The following DNAH12 variants were observed in gnomAD, a reference collection of about 807,000 sequenced individuals.
The protein encoded by DNAH12 is dynein axonemal heavy chain 12, also known as axonemal beta dynein heavy chain 12.
Under a neutral mutation model 371.5 loss-of-function variants are expected in DNAH12, and 285 were observed. That is an observed-to-expected ratio of 0.77 (90% CI 0.70 to 0.85). DNAH12 has a LOEUF of 0.85. Among genes scored for constraint, DNAH12 ranks in the 40% least tolerant of loss-of-function variants. The pLI is 0.00. For synonymous variants in DNAH12, 1,200 were observed against 1,213.0 expected (o/e 0.99, Z 0.22); for missense variants, 3,611 against 3,689.4 (o/e 0.98, Z 0.55).
chr3:57,438,427 T>C (rs187097814), intron 29 of DNAH12, among the ~76,000 whole-genome samples: 98 of 152,230 alleles, frequency 6.4e-4, no homozygotes, highest in Middle Eastern at 3.4e-3. Flanking sequence ...TTGGACGTCC[T>C]AGCCAGAACA....
At chr3:57,542,950 G>A (rs2069358766) in intron 1 of DNAH12, 47 bp from the exon 2 acceptor site, 6 of 1,384,470 alleles carry the variant, frequency 4.3e-6, no homozygotes, top group Non-Finnish European at 5.7e-6. Context: ...AGCAAGCCTC[G>A]ACACATTCAT....
intron 57 of DNAH12, among the ~76,000 whole-genome samples, chr3:57,365,183 C>T (rs878928905): frequency 6.6e-6 from 1 of 152,070 alleles, no homozygotes; most frequent in Non-Finnish European, 1.5e-5. Context: ...GCACTATTCA[C>T]AATAGCAAAG....
At chr3:57,399,169 T>C (rs1003431745) in intron 43 of DNAH12, among the ~76,000 whole-genome samples, 13 of 151,308 alleles carry the variant, frequency 8.6e-5, no homozygotes. Flanking sequence ...AAACATAGAA[T>C]ATAAACAAAA....
chr3:57,489,844 T>G (rs1469568127), intron 11 of DNAH12, among the ~76,000 whole-genome samples, 157 bp from the exon 12 acceptor site: 1 of 152,180 alleles, frequency 6.6e-6, no homozygotes, highest in Non-Finnish European at 1.5e-5. Context: ...ACATATTTTT[T>G]TCACCTATTC....
intron 55 of DNAH12, among the ~76,000 whole-genome samples, 162 bp from the exon 56 acceptor site, chr3:57,368,422 GT>G (rs1187137314): frequency 2.9e-3 from 425 of 147,454 alleles, no homozygotes; most frequent in African/African-American, 9.2e-3. Context: ...ATGAAAAGGA[GT>G]TTTTTTTTTT....
intron 2 of DNAH12, among the ~76,000 whole-genome samples, chr3:57,527,452 A>G (rs895929669): frequency 2.6e-5 from 4 of 152,222 alleles, no homozygotes; most frequent in African/African-American, 7.2e-5. Flanking sequence ...GCATAGCAGC[A>G]TCTGCTGTTG....
At chr3:57,362,804 C>G (rs986238941) in intron 58 of DNAH12, among the ~76,000 whole-genome samples, 1 of 152,090 alleles carries the variant, frequency 6.6e-6, no homozygotes, top group Non-Finnish European at 1.5e-5. Context: ...AAAATTTTCT[C>G]CCATTCTGTA....
intron 40 of DNAH12, among the ~76,000 whole-genome samples, chr3:57,406,899 A>G (rs1168738696): frequency 2.6e-5 from 4 of 151,966 alleles, no homozygotes; most frequent in Non-Finnish European, 5.9e-5. Flanking sequence ...GAAAACAAAA[A>G]AACTTTTTTT....
intron 62 of DNAH12, among the ~76,000 whole-genome samples, chr3:57,332,645 C>A (rs900828750): frequency 6.6e-6 from 1 of 152,192 alleles, no homozygotes; most frequent in Non-Finnish European, 1.5e-5. Flanking sequence ...CTGGAAGTTG[C>A]AGAGTTCTAA....
At position 57,471,477 on chromosome 3, in the gene DNAH12, G is replaced by A. The variant is rs1479983025; in HGVS notation, c.1906C>T (p.Gln636Ter). ...FTEFAELERMQQYVTDVRQLQ... is the reference protein window; with the variant it reads ...FTEFAELERM ...GTCTCATATATTTATCAGACCTGTT[G>A]CATGCGCTCCAGCTCTGCAAATTCT... The change falls in exon 15 of 74, where the codon CAA (glutamine) becomes TAA (stop). Residue 636 changes from glutamine to a stop codon, truncating the protein, a stop_gained. Coordinates refer to ENST00000495027, the MANE Select transcript of DNAH12 (RefSeq NM_001366028.2). LOFTEE classifies it high-confidence loss of function. 6.5e-7 allele frequency: 1 copy of A among 1,544,280 alleles called. No homozygotes were observed. The highest frequency in any genetic ancestry group is 2.1e-5 in the Admixed American group (1 of 48,448).
intron 29 of DNAH12, among the ~76,000 whole-genome samples, chr3:57,443,803 T>C (rs763864960): frequency 1.1e-4 from 16 of 152,194 alleles, no homozygotes; most frequent in Non-Finnish European, 2.2e-4. Flanking sequence ...TTCTATCTAA[T>C]AAAATACACA....
At chr3:57,315,310 G>A (rs1161783285) in intron 65 of DNAH12, among the ~76,000 whole-genome samples, 6 of 151,450 alleles carry the variant, frequency 4.0e-5, no homozygotes, top group Non-Finnish European at 7.4e-5. Flanking sequence ...TTCATATAAT[G>A]CAGTAGTAGA....
chr3:57,511,917 T>G (rs2068013640), intron 4 of DNAH12, among the ~76,000 whole-genome samples: 2 of 151,856 alleles, frequency 1.3e-5, no homozygotes, highest in South Asian at 4.2e-4. Context: ...AAGAACAAAC[T>G]CCAGGATTTA....
chr3:57,509,038 T>C (rs1388952889), intron 6 of DNAH12, 102 bp downstream of exon 6: 34 of 1,016,878 alleles, frequency 3.3e-5, no homozygotes, highest in Non-Finnish European at 7.3e-6. Flanking sequence ...GTGTTCAAAA[T>C]ACCTTTGAGC....
chr3:57,433,045 T>C (rs1374632597), intron 32 of DNAH12, among the ~76,000 whole-genome samples: 1 of 152,178 alleles, frequency 6.6e-6, no homozygotes. Context: ...GCTTTTGTTA[T>C]TTTATCCTAA....
chr3:57,519,123 T>A (rs914128915), intron 4 of DNAH12, among the ~76,000 whole-genome samples: 8 of 152,184 alleles, frequency 5.3e-5, no homozygotes, highest in Non-Finnish European at 1.0e-4. Context: ...CGAATCAAGG[T>A]TTTAATTTGT....
chr3:57,500,949 C>CA lies in DNAH12; in HGVS notation c.1335+371dup, dbSNP rs376607941. On this transcript the variant is annotated intron_variant, in intron 11 of 73. Transcript: ENST00000495027. ...TCAAAAACAAAAACAAAAACAAAAA[C>CA]AAAAAAACTTTCGTAGAGACACGGT... is the stretch of plus-strand genomic sequence containing the variant. Among the ~76,000 whole-genome samples, 177 of 152,112 alleles carry CA rather than the reference C, an allele frequency of 1.2e-3. 1 individual carries two copies. The highest frequency in any genetic ancestry group is 4.0e-3 in the African/African-American group (167 of 41,500).
At chr3:57,296,309 C>T in intron 72 of DNAH12, 35 bp downstream of exon 72, 2 of 1,466,628 alleles carry the variant, frequency 1.4e-6, no homozygotes, top group South Asian at 2.6e-5. Context: ...GATTCAGCTA[C>T]AAATGAAGAG....
intron 3 of DNAH12, 54 bp downstream of exon 3, chr3:57,523,749 T>C (rs2068530776): frequency 1.3e-6 from 2 of 1,494,338 alleles, no homozygotes; most frequent in Admixed American, 4.3e-5. Context: ...TTGTCTTAAC[T>C]ACAAATTAAA....
Sources: allele counts gnomAD v4.1 joint callset (sites outside exome capture counted in the v4.1 genomes callset), GRCh38; gene constraint gnomAD v4.1.1; transcripts MANE v1.5; gene names NCBI Gene and HGNC (gene_info 2026-07-23, HGNC 2026-07-21).